The following ERCC6L2 variants were observed in gnomAD, a reference collection of about 807,000 sequenced individuals.
ERCC6L2 encodes DNA excision repair protein ERCC-6-like 2.
A neutral mutation model predicts 132.0 loss-of-function variants in ERCC6L2; 77 were observed. That is an observed-to-expected ratio of 0.58 (90% CI 0.49 to 0.71). ERCC6L2 has a LOEUF of 0.71. Among genes scored for constraint, ERCC6L2 ranks in the 30% least tolerant of loss-of-function variants. ERCC6L2 has a pLI of 0.00. For synonymous variants in ERCC6L2, 583 were observed against 632.4 expected, an observed-to-expected ratio of 0.92 and a Z score of 1.17; for missense variants, 1,542 against 1,837.6, an observed-to-expected ratio of 0.84 and a Z score of 2.94.
At chr9:95,894,572 G>T (rs1828345483) in intron 2 of ERCC6L2, among the ~76,000 whole-genome samples, 1 of 146,906 alleles carries the variant, frequency 6.8e-6, no homozygotes, top group African/African-American at 2.5e-5. Context: ...CTGTGGCCTG[G>T]CATATGTCAG....
chr9:95,938,065 C>T (rs1225412022), intron 11 of ERCC6L2, among the ~76,000 whole-genome samples: 1 of 150,494 alleles, frequency 6.6e-6, no homozygotes, highest in Non-Finnish European at 1.5e-5. Context: ...TTTTGGATTT[C>T]AGATTTTGTT....
intron 4 of ERCC6L2, among the ~76,000 whole-genome samples, chr9:95,915,225 T>C (rs537735859): frequency 1.3e-5 from 2 of 152,302 alleles, no homozygotes; most frequent in African/African-American, 4.8e-5. Context: ...TCATTGCTAC[T>C]GGGGTAACAA....
At chr9:95,971,401 A>G (rs1351952467) in intron 15 of ERCC6L2, 1 of 152,194 alleles carries the variant, frequency 6.6e-6, no homozygotes, top group Non-Finnish European at 1.5e-5. Context: ...TACATATTGA[A>G]TTTAAATTTG....
At chr9:95,979,737 C>T (rs1832818048) in intron 17 of ERCC6L2, among the ~76,000 whole-genome samples, 1 of 152,166 alleles carries the variant, frequency 6.6e-6, no homozygotes, top group African/African-American at 2.4e-5. Context: ...TCTCAACCAA[C>T]ACTTTAAACA....
intron 16 of ERCC6L2, among the ~76,000 whole-genome samples, chr9:95,974,958 G>C (rs955390484): frequency 1.3e-4 from 20 of 152,106 alleles, no homozygotes; most frequent in African/African-American, 4.8e-4. Context: ...TGGTTCTCAA[G>C]CATATAGGGA....
chr9:96,032,638 G>A (rs1351203365), intron 19 of ERCC6L2, among the ~76,000 whole-genome samples: 1 of 152,162 alleles, frequency 6.6e-6, no homozygotes, highest in Non-Finnish European at 1.5e-5. Flanking sequence ...AAAACTCGAA[G>A]CCACCCCTCA....
chr9:95,927,310 T>G (rs1341168838), intron 9 of ERCC6L2, among the ~76,000 whole-genome samples: 2 of 152,136 alleles, frequency 1.3e-5, no homozygotes, highest in African/African-American at 2.4e-5. Flanking sequence ...ATTAAATAAA[T>G]TGTTTTAGTG....
chr9:96,034,559 A>G (rs1055231028), intron 19 of ERCC6L2, among the ~76,000 whole-genome samples: 1 of 152,182 alleles, frequency 6.6e-6, no homozygotes, highest in Non-Finnish European at 1.5e-5. Context: ...TTGACAAACA[A>G]GCAAGAGCAT....
chr9:96,015,570 C>T lies in ERCC6L2; in HGVS notation c.*2367C>T, dbSNP rs1332150953. ...CAGCACTTTGGGAGGCCGAGGCAGG[C>T]GGATCACAAGGTCATGAGATCGAGA... On this transcript the variant is annotated 3_prime_UTR_variant, in exon 19 of 19. Coordinates refer to ENST00000653738, the MANE Select transcript of ERCC6L2 (RefSeq NM_020207.7). Among the ~76,000 whole-genome samples, 5 of 151,330 alleles carry T rather than the reference C, an allele frequency of 3.3e-5. No homozygotes were observed. Among genetic ancestry groups the T allele is most frequent in the African/African-American group, 7.3e-5 (3 of 41,276 alleles).
chr9:95,982,824 G>A (rs958396588), intron 17 of ERCC6L2, among the ~76,000 whole-genome samples: 8 of 152,030 alleles, frequency 5.3e-5, no homozygotes, highest in East Asian at 1.9e-4. Flanking sequence ...AATATAATAC[G>A]TCATTTGAGT....
intron 13 of ERCC6L2, among the ~76,000 whole-genome samples, chr9:95,959,380 C>G (rs894410456): frequency 6.6e-6 from 1 of 151,718 alleles, no homozygotes; most frequent in Non-Finnish European, 1.5e-5. Flanking sequence ...AAAATTAATT[C>G]AAGATGGATT....
intron 6 of ERCC6L2, among the ~76,000 whole-genome samples, chr9:95,920,266 C>G (rs1829799723): frequency 6.6e-6 from 1 of 152,146 alleles, no homozygotes; most frequent in South Asian, 2.1e-4. Context: ...AAAACAAGAC[C>G]AGCCTCTCCT....
intron 12 of ERCC6L2, among the ~76,000 whole-genome samples, chr9:95,946,656 A>G (rs1831078862): frequency 6.6e-6 from 1 of 152,178 alleles, no homozygotes; most frequent in Admixed American, 6.5e-5. Flanking sequence ...ATTGCACTTC[A>G]CTTTATTGTG....
intron 6 of ERCC6L2, among the ~76,000 whole-genome samples, chr9:95,916,712 G>A (rs1317957899): frequency 2.7e-5 from 4 of 146,144 alleles, no homozygotes; most frequent in East Asian, 2.0e-4. Context: ...AGACAGAGTC[G>A]GGCTCTGTCA....
intron 3 of ERCC6L2, among the ~76,000 whole-genome samples, chr9:95,902,637 C>T (rs1828837349): frequency 6.6e-6 from 1 of 152,080 alleles, no homozygotes. Flanking sequence ...TTTTTGATAA[C>T]TGGAGTTAAA....
At chr9:95,980,855 A>G (rs969536709) in intron 17 of ERCC6L2, among the ~76,000 whole-genome samples, 1 of 152,168 alleles carries the variant, frequency 6.6e-6, no homozygotes, top group Admixed American at 6.5e-5. Flanking sequence ...TGAAGTCTCC[A>G]AAAAACCTCA....
chr9:96,029,236 G>A (rs745580198), intron 19 of ERCC6L2, among the ~76,000 whole-genome samples: 4 of 150,394 alleles, frequency 2.7e-5, no homozygotes, highest in South Asian at 2.1e-4. Flanking sequence ...CCCAGGAGGC[G>A]GAGGTTGCAG....
chr9:95,928,225 C>A, intron 10 of ERCC6L2, 75 bp downstream of exon 10: 2 of 948,396 alleles, frequency 2.1e-6, no homozygotes, highest in Non-Finnish European at 3.3e-6. Context: ...CATATGCCTA[C>A]ATGACACCTT....
rs1829753309 is a variant in ERCC6L2 at position 95,919,361 on chromosome 9, C to T, written c.1159-1814C>T. Among the ~76,000 whole-genome samples, 3 of 152,050 alleles carry T rather than the reference C, an allele frequency of 2.0e-5. No individual in the cohort carries two copies. The South Asian group carries it at 6.2e-4, about 32-fold the overall frequency. ...TTCTATTTTACAAATAAAAAAATGT[C>T]ACTGCTTTGTCCCTGAAGTCAGGAA... is the stretch of plus-strand genomic sequence containing the variant. On this transcript the variant is annotated intron_variant, in intron 6 of 18. Transcript: ENST00000653738.
Sources: allele counts gnomAD v4.1 joint callset (sites outside exome capture counted in the v4.1 genomes callset), GRCh38; gene constraint gnomAD v4.1.1; transcripts MANE v1.5; gene names NCBI Gene and HGNC (gene_info 2026-07-23, HGNC 2026-07-21).